DLEU7: variants seen among roughly 807,000 people sequenced by gnomAD.
DLEU7 encodes deleted in lymphocytic leukemia 7.
Under a neutral mutation model 16.0 loss-of-function variants are expected in DLEU7, and 17 were observed. That is an observed-to-expected ratio of 1.06 (90% CI 0.73 to 1.59). DLEU7 has a LOEUF of 1.59. Among genes scored for constraint, DLEU7 ranks in the 40% most tolerant of loss-of-function variants. The pLI is 0.00. For missense variants in DLEU7, 308 were observed against 314.9 expected (o/e 0.98, Z 0.17); for synonymous variants, 113 against 139.8 (o/e 0.81, Z 1.35).
chr13:50,739,005 G>GCA (rs368778519), intron 1 of DLEU7, among the ~76,000 whole-genome samples: 14 of 114,288 alleles, frequency 1.2e-4, no homozygotes, highest in East Asian at 9.7e-4. Flanking sequence ...ACACACACAC[G>GCA]CACACACACA....
chr13:50,813,961 A>C (rs890160158), intron 1 of DLEU7, among the ~76,000 whole-genome samples: 1 of 152,150 alleles, frequency 6.6e-6, no homozygotes, highest in Non-Finnish European at 1.5e-5. Context: ...GCCATTTGTG[A>C]TATGGGTTTG....
At chr13:50,795,756 C>T (rs1261610525) in intron 1 of DLEU7, among the ~76,000 whole-genome samples, 1 of 151,848 alleles carries the variant, frequency 6.6e-6, no homozygotes, top group Non-Finnish European at 1.5e-5. Context: ...ACTCACACTG[C>T]GATTATTTTT....
At chr13:50,714,622 G>A (rs953229633) in intron 1 of DLEU7, among the ~76,000 whole-genome samples, 2 of 152,094 alleles carry the variant, frequency 1.3e-5, no homozygotes, top group African/African-American at 2.4e-5. Context: ...TCTTAGCTAC[G>A]CAAGGGGAGA....
chr13:50,796,151 A>C (rs972638923), intron 1 of DLEU7, among the ~76,000 whole-genome samples: 2 of 152,258 alleles, frequency 1.3e-5, no homozygotes, highest in African/African-American at 4.8e-5. Context: ...ACTGAACTCT[A>C]TATATTTTAT....
intron 1 of DLEU7, among the ~76,000 whole-genome samples, chr13:50,809,349 G>C: frequency 6.6e-6 from 1 of 152,152 alleles, no homozygotes; most frequent in Non-Finnish European, 1.5e-5. Context: ...TCACATTAGG[G>C]ACGTTGTATG....
upstream of DLEU7, chr13:50,843,812 C>T (rs564420556): frequency 5.2e-5 from 49 of 937,952 alleles, no homozygotes; most frequent in South Asian, 3.0e-4. The surrounding 1 kb of genome is among the most constrained non-coding windows in gnomAD (Gnocchi z 5.7). Context: ...ATCGGTGACC[C>T]GTGCTGGCCT....
intron 1 of DLEU7, among the ~76,000 whole-genome samples, chr13:50,737,177 G>GA (rs1270850478): frequency 1.3e-5 from 2 of 151,856 alleles, no homozygotes; most frequent in Non-Finnish European, 2.9e-5. Context: ...CATTTAAAAA[G>GA]AAAAAACTGC....
At chr13:50,808,478 A>G (rs1876462401) in intron 1 of DLEU7, 1 of 152,182 alleles carries the variant, frequency 6.6e-6, no homozygotes, top group South Asian at 2.1e-4. Flanking sequence ...CTTGAATATA[A>G]TCGCTGTATA....
intron 1 of DLEU7, among the ~76,000 whole-genome samples, chr13:50,727,647 G>A (rs2137713173): frequency 6.6e-6 from 1 of 152,222 alleles, no homozygotes; most frequent in East Asian, 1.9e-4. Context: ...GAATCACGTT[G>A]GGAATACCTC....
chr13:50,777,449 TG>T (rs1449972945), intron 1 of DLEU7, among the ~76,000 whole-genome samples: 2 of 152,228 alleles, frequency 1.3e-5, no homozygotes, highest in Admixed American at 6.5e-5. Context: ...TTCCTGCCCT[TG>T]AACATCAGAC....
chr13:50,796,453 C>T (rs1032439204), intron 1 of DLEU7, among the ~76,000 whole-genome samples: 1 of 152,126 alleles, frequency 6.6e-6, no homozygotes, highest in Non-Finnish European at 1.5e-5. Context: ...TGGGGTGGGC[C>T]TGGGCAGGAT....
At chr13:50,747,815 T>C (rs764519469) in intron 1 of DLEU7, among the ~76,000 whole-genome samples, 1 of 152,214 alleles carries the variant, frequency 6.6e-6, no homozygotes, top group Non-Finnish European at 1.5e-5. Flanking sequence ...AACAACCAAT[T>C]GCCAACTCTT....
intron 1 of DLEU7, among the ~76,000 whole-genome samples, chr13:50,825,006 C>T (rs1230824721): frequency 6.6e-6 from 1 of 152,094 alleles, no homozygotes; most frequent in African/African-American, 2.4e-5. Flanking sequence ...TTGCAGAAGA[C>T]AATTTTTTTC....
intron 1 of DLEU7, among the ~76,000 whole-genome samples, chr13:50,734,628 C>T (rs79327894): frequency 0.069 from 10,422 of 151,514 alleles, 471 homozygotes; most frequent in Middle Eastern, 0.1. Flanking sequence ...TTAAAAATAC[C>T]CAATCTGAAG....
intron 1 of DLEU7, among the ~76,000 whole-genome samples, chr13:50,751,428 G>T (rs1398782949): frequency 1.3e-5 from 2 of 152,080 alleles, no homozygotes; most frequent in African/African-American, 4.8e-5. Flanking sequence ...TTGGTATTAG[G>T]GTGATGCTGG....
chr13:50,725,210 A>T (rs1186852972), intron 1 of DLEU7, among the ~76,000 whole-genome samples: 1 of 152,074 alleles, frequency 6.6e-6, no homozygotes, highest in Non-Finnish European at 1.5e-5. Context: ...ACCCAAAGAG[A>T]AGGGAATCCA....
chr13:50,742,284 A>G (rs1283327289), intron 1 of DLEU7, among the ~76,000 whole-genome samples: 1 of 152,212 alleles, frequency 6.6e-6, no homozygotes, highest in Non-Finnish European at 1.5e-5. Context: ...ATTAAAAATT[A>G]CTTGCTTTTT....
intron 1 of DLEU7, among the ~76,000 whole-genome samples, chr13:50,807,017 CT>C (rs1043068353): frequency 3.4e-5 from 5 of 148,368 alleles, no homozygotes; most frequent in Non-Finnish European, 6.0e-5. Flanking sequence ...GCTCCTCTGC[CT>C]TTTTTTTTCC....
intron 1 of DLEU7, among the ~76,000 whole-genome samples, chr13:50,765,442 AGAG>A (rs1240704857): frequency 1.3e-5 from 2 of 152,088 alleles, no homozygotes; most frequent in Non-Finnish European, 2.9e-5. Flanking sequence ...AGGAGAAAGA[AGAG>A]GAGGAAGGAG....
Sources: allele counts gnomAD v4.1 joint callset (sites outside exome capture counted in the v4.1 genomes callset), GRCh38; gene constraint gnomAD v4.1.1; non-coding constraint Gnocchi (gnomAD v3.1); transcripts MANE v1.5; gene names NCBI Gene and HGNC (gene_info 2026-07-23, HGNC 2026-07-21).